The following RMND1 variants were observed in gnomAD, a reference collection of about 807,000 sequenced individuals.
RMND1 encodes required for meiotic nuclear division 1 homolog.
Under a neutral mutation model 54.0 loss-of-function variants are expected in RMND1, and 41 were observed. The observed-to-expected ratio is 0.76, with a 90% CI of 0.59 to 0.98. The LOEUF is 0.98. RMND1 is among the 50% of genes least tolerant of loss of function. The pLI is 0.00. For synonymous variants in RMND1, 183 were observed against 181.7 expected, an observed-to-expected ratio of 1.01 and a Z score of -0.06; for missense variants, 457 against 532.0, an observed-to-expected ratio of 0.86 and a Z score of 1.39.
chr6:151,419,691 G>T (rs1025279417), intron 9 of RMND1, among the ~76,000 whole-genome samples: 9 of 130,970 alleles, frequency 6.9e-5, no homozygotes, highest in Non-Finnish European at 1.1e-4. Context: ...AAAAAAAAAA[G>T]TAACACATAC....
At chr6:151,426,588 G>C (rs1780302828) in intron 6 of RMND1, among the ~76,000 whole-genome samples, 1 of 151,954 alleles carries the variant, frequency 6.6e-6, no homozygotes, top group African/African-American at 2.4e-5. Context: ...TAATTTGATA[G>C]GTTCATTTGA....
Position 151,445,745 on chromosome 6 carries a change from G to A in RMND1, c.67C>T (p.Arg23Ter), listed in dbSNP as rs144647126. Residue 23 changes from arginine (R) to a stop codon, truncating the protein, a stop_gained, in exon 2 of 12, where the codon CGA becomes TGA. Coordinates refer to ENST00000444024, the MANE Select transcript of RMND1 (RefSeq NM_017909.4). LOFTEE classifies it high-confidence loss of function. ...TTTAACATTAGATGACCGATTCTTC[G>A]GCACTGATGTGCTTTTGATAATATA... ...HHILSKAHQC[R>*]RIGHLMLKPL... 7.4e-6 allele frequency: 12 copies of A among 1,613,620 alleles called. No homozygotes were observed. Among genetic ancestry groups the A allele is most frequent in the East Asian group, 2.2e-5 (1 of 44,882 alleles).
chr6:151,425,003 C>G (rs574077888), intron 6 of RMND1, among the ~76,000 whole-genome samples: 20 of 152,200 alleles, frequency 1.3e-4, no homozygotes, highest in African/African-American at 2.4e-4. Context: ...AGTGTAGTGG[C>G]GTGATCTTCG....
At chr6:151,422,502 AAATC>A (rs764754249) in intron 8 of RMND1, 35 bp downstream of exon 8, 7 of 1,013,532 alleles carry the variant, frequency 6.9e-6, no homozygotes, top group East Asian at 5.5e-5. Flanking sequence ...TTACATATAA[AAATC>A]AATCCTTGAA....
chr6:151,436,188 AGTATGACCTCTGACCACCTCAAGT>A, intron 3 of RMND1: 2 of 347,794 alleles, frequency 5.8e-6, no homozygotes, highest in Non-Finnish European at 1.1e-5. Context: ...GAAATGAAGT[AGTATGACCTCTGACCACCTCAAGT>A]AATAATGATC....
chr6:151,440,775 A>AT, intron 2 of RMND1, among the ~76,000 whole-genome samples: 1 of 151,958 alleles, frequency 6.6e-6, no homozygotes, highest in East Asian at 1.9e-4. Flanking sequence ...TGCTTTTTTT[A>AT]TTTTAGCCTA....
intron 2 of RMND1, among the ~76,000 whole-genome samples, chr6:151,442,967 C>T (rs1363073975): frequency 6.6e-6 from 1 of 152,138 alleles, no homozygotes; most frequent in African/African-American, 2.4e-5. Flanking sequence ...CAGCCAACTC[C>T]AGATGCACGC....
At chr6:151,423,851 C>CTTT (rs34456849) in intron 6 of RMND1, among the ~76,000 whole-genome samples, 2 of 140,186 alleles carry the variant, frequency 1.4e-5, no homozygotes, top group Non-Finnish European at 1.6e-5. Flanking sequence ...TACAAGAAAA[C>CTTT]TTTTTTTTTT....
chr6:151,410,007 TTTC>T (rs1273449834), intron 10 of RMND1, among the ~76,000 whole-genome samples: 1 of 152,044 alleles, frequency 6.6e-6, no homozygotes, highest in African/African-American at 2.4e-5. Flanking sequence ...CTCAAGACCC[TTTC>T]TTCTACTTTT....
chr6:151,413,929 A>C (rs1779929133), intron 10 of RMND1: 1 of 152,260 alleles, frequency 6.6e-6, no homozygotes, highest in African/African-American at 2.4e-5. Flanking sequence ...GGTGGTGCCA[A>C]GATCAGTGAC....
intron 10 of RMND1, among the ~76,000 whole-genome samples, chr6:151,410,889 T>G (rs1171743760): frequency 6.6e-6 from 1 of 152,208 alleles, no homozygotes; most frequent in Non-Finnish European, 1.5e-5. Flanking sequence ...CTTCCAGGTC[T>G]TCTACATACA....
chr6:151,419,900 G>A (rs1222193070), intron 9 of RMND1, among the ~76,000 whole-genome samples: 1 of 151,908 alleles, frequency 6.6e-6, no homozygotes, highest in Non-Finnish European at 1.5e-5. Flanking sequence ...ATGTACATGT[G>A]TATGCATATA....
chr6:151,427,837 G>A (rs1780346320), intron 5 of RMND1, among the ~76,000 whole-genome samples: 1 of 152,038 alleles, frequency 6.6e-6, no homozygotes, highest in Non-Finnish European at 1.5e-5. Flanking sequence ...ACAACCCAAG[G>A]AAAATCACTA....
chr6:151,445,398 T>C lies in RMND1; in HGVS notation c.414A>G (p.Lys138=), dbSNP rs1780924573. ...SSVSTETFVP[K]QDFPQVKRPL... is the part of the protein sequence containing the mutation. ...GTCTCTTCACCTGTGGGAAGTCTTG[T>C]TTTGGAACAAATGTTTCCGTTGATA... Residue 138 remains lysine, a synonymous_variant, in exon 2 of 12, where the codon AAA becomes AAG. Coordinates refer to ENST00000444024, the MANE Select transcript of RMND1 (RefSeq NM_017909.4). 6.2e-7 allele frequency: 1 copy of C among 1,613,910 alleles called. No individual in the cohort carries two copies. Among genetic ancestry groups the C allele is most frequent in the East Asian group, 2.2e-5 (1 of 44,900 alleles).
At chr6:151,430,612 T>C (rs1780423666) in intron 4 of RMND1, among the ~76,000 whole-genome samples, 1 of 152,206 alleles carries the variant, frequency 6.6e-6, no homozygotes, top group African/African-American at 2.4e-5. Flanking sequence ...TGGTGGTTAA[T>C]TTAAGCATCA....
At chr6:151,439,749 T>G (rs1780717634) in intron 2 of RMND1, among the ~76,000 whole-genome samples, 1 of 152,120 alleles carries the variant, frequency 6.6e-6, no homozygotes, top group East Asian at 1.9e-4. Flanking sequence ...AACCTCTGCC[T>G]CCCCGGTTCA....
At position 151,422,608 on chromosome 6, in the gene RMND1, G is replaced by T; in HGVS notation, c.938-3C>A. The T allele has an allele frequency of 6.8e-7, 1 of 1,462,688 alleles. No homozygotes were observed. The highest frequency in any genetic ancestry group is 9.3e-7 in the Non-Finnish European group (1 of 1,075,980). 90.6% of individuals were successfully genotyped at this position (1,462,688 alleles called of 1,614,324 possible). A position where few individuals can be genotyped will look rare whatever the true frequency, so the allele number is the denominator to read the frequency against. On this transcript the variant is annotated splice_region_variant and splice_polypyrimidine_tract_variant and intron_variant, in intron 7 of 11. Transcript: ENST00000444024. The stretch of plus-strand genomic sequence containing the variant: ...TGCTTCCCAAATTGCCAGTTTTACT[G>T]GGAAAAAAATTAATAATGGAACATT...
intron 3 of RMND1, among the ~76,000 whole-genome samples, chr6:151,434,030 G>A (rs1369154237): frequency 6.5e-5 from 9 of 137,944 alleles, no homozygotes; most frequent in Non-Finnish European, 1.2e-4. Flanking sequence ...TTTATGTTTT[G>A]TAGAGATGAG....
At chr6:151,428,504 G>A (rs1161591107) in intron 5 of RMND1, among the ~76,000 whole-genome samples, 1 of 152,154 alleles carries the variant, frequency 6.6e-6, no homozygotes, top group African/African-American at 2.4e-5. Context: ...TTTAGGAATT[G>A]CTAGATCAAA....
Sources: allele counts gnomAD v4.1 joint callset (sites outside exome capture counted in the v4.1 genomes callset), GRCh38; gene constraint gnomAD v4.1.1; transcripts MANE v1.5; gene names NCBI Gene and HGNC (gene_info 2026-07-23, HGNC 2026-07-21).